PRAG1: variants seen among roughly 807,000 people sequenced by gnomAD.
PRAG1 encodes inactive tyrosine-protein kinase PRAG1.
Under a neutral mutation model 95.6 loss-of-function variants are expected in PRAG1, and 110 were observed. The observed-to-expected ratio is 1.15, with a 90% CI of 0.99 to 1.35. PRAG1 has a LOEUF of 1.35. PRAG1 is among the 40% of genes most tolerant of loss of function. PRAG1 has a pLI of 0.00. For missense variants in PRAG1, 2,554 were observed against 1,864.7 expected, an observed-to-expected ratio of 1.37 and a Z score of -6.81; for synonymous variants, 1,052 against 819.4, an observed-to-expected ratio of 1.28 and a Z score of -4.85.
chr8:8,382,047 T>C (rs975148406), intron 1 of PRAG1, among the ~76,000 whole-genome samples: 1 of 152,114 alleles, frequency 6.6e-6, no homozygotes, highest in Non-Finnish European at 1.5e-5. Context: ...AAACTAAACA[T>C]AGCCTTGTTG....
rs201007404 is a variant in PRAG1, at chr8:8,381,755, C to T, written c.-8G>A. The T allele has an allele frequency of 7.9e-5, 124 of 1,565,482 alleles. No homozygotes were observed. The highest frequency in any genetic ancestry group is 7.4e-4 in the African/African-American group (55 of 73,896). The stretch of plus-strand genomic sequence containing the variant: ...GCAGAGGGTCTGGTGCATCTTGAGC[C>T]GACAGGGTGCTGGTTCATCTTGCGC... On this transcript the variant is annotated 5_prime_UTR_variant, in exon 2 of 6. Transcript: ENST00000615670.
At chr8:8,341,936 C>T (rs986702889) in intron 3 of PRAG1, among the ~76,000 whole-genome samples, 8 of 151,996 alleles carry the variant, frequency 5.3e-5, no homozygotes, top group Admixed American at 1.3e-4. Flanking sequence ...AGTTCGAGAC[C>T]GGCCTGGCCA....
Position 8,327,959 on chromosome 8 carries a change from G to A in PRAG1, c.2823C>T (p.Leu941=). The A allele has an allele frequency of 6.2e-7, 1 of 1,609,590 alleles. No homozygotes were observed. ...CCTCCTTGCTGCTGATGTTGCTCAGGAGACCGTGCAGCTGAAGCTGGGTGC... is the reference window on the plus strand; with the variant it reads ...CCTCCTTGCTGCTGATGTTGCTCAGAAGACCGTGCAGCTGAAGCTGGGTGC... ...TGSTQLQLHG[L]LSNISSKEGT... The change falls in exon 5 of 6, where the codon CTC becomes CTT. Residue 941 remains leucine, a synonymous_variant. Coordinates refer to ENST00000615670, the MANE Select transcript of PRAG1 (RefSeq NM_001080826.3).
At chr8:8,319,437 T>C (rs552545709) in intron 5 of PRAG1, 135 bp from the exon 6 acceptor site, 3 of 573,788 alleles carry the variant, frequency 5.2e-6, no homozygotes, top group Admixed American at 4.1e-5. Flanking sequence ...TCCATACACA[T>C]GCTAGAAGAA....
chr8:8,324,124 T>C (rs1798557386), intron 5 of PRAG1, among the ~76,000 whole-genome samples: 1 of 152,162 alleles, frequency 6.6e-6, no homozygotes, highest in South Asian at 2.1e-4. Flanking sequence ...TGGTGACTGC[T>C]CTTGCCATCT....
At chr8:8,358,958 A>C (rs1392342762) in intron 3 of PRAG1, among the ~76,000 whole-genome samples, 1 of 152,236 alleles carries the variant, frequency 6.6e-6, no homozygotes, top group Non-Finnish European at 1.5e-5. Context: ...ATAAGCTGTG[A>C]CCTGGGACAT....
intron 4 of PRAG1, among the ~76,000 whole-genome samples, chr8:8,331,848 G>C (rs2979218): frequency 0.22 from 33,120 of 151,992 alleles, 4,106 homozygotes; most frequent in African/African-American, 0.34. Flanking sequence ...GATCTACACC[G>C]TATCACTACT....
At chr8:8,361,872 C>CT (rs1799857105) in intron 3 of PRAG1, among the ~76,000 whole-genome samples, 1 of 152,214 alleles carries the variant, frequency 6.6e-6, no homozygotes, top group Non-Finnish European at 1.5e-5. Flanking sequence ...TCTTACCAAT[C>CT]TTTAACATAA....
At chr8:8,331,037 G>C (rs181579059) in intron 4 of PRAG1, among the ~76,000 whole-genome samples, 1 of 152,288 alleles carries the variant, frequency 6.6e-6, no homozygotes, top group East Asian at 1.9e-4. Context: ...CGAGGCGTCT[G>C]ATTCTCAATT....
At chr8:8,370,081 T>C (rs1000963839) in intron 3 of PRAG1, among the ~76,000 whole-genome samples, 2 of 152,268 alleles carry the variant, frequency 1.3e-5, no homozygotes, top group African/African-American at 4.8e-5. Context: ...TTGCTAGCCT[T>C]AGTCAAGAAT....
chr8:8,373,603 C>G (rs1800285736), intron 3 of PRAG1, among the ~76,000 whole-genome samples: 1 of 152,090 alleles, frequency 6.6e-6, no homozygotes, highest in Non-Finnish European at 1.5e-5. Context: ...GCATGTGCCA[C>G]CATCCCTGGC....
chr8:8,370,696 C>A (rs765282050), intron 3 of PRAG1, among the ~76,000 whole-genome samples: 1 of 152,190 alleles, frequency 6.6e-6, no homozygotes, highest in Non-Finnish European at 1.5e-5. Context: ...CCCATCCTCC[C>A]GGTTCATGCC....
intron 1 of PRAG1, among the ~76,000 whole-genome samples, chr8:8,385,750 T>C (rs929848167): frequency 6.6e-6 from 1 of 152,100 alleles, no homozygotes; most frequent in South Asian, 2.1e-4. Context: ...TAAGTGTGTG[T>C]GTCCCCGGAT....
rs1475606065 is a variant in PRAG1, at chr8:8,351,329, T to C, written c.2163-11694A>G. Among the ~76,000 whole-genome samples, 5 of 152,158 alleles carry C rather than the reference T, an allele frequency of 3.3e-5. No homozygotes were observed. In the South Asian group the frequency reaches 6.2e-4, roughly 19 times the overall value. On this transcript the variant is annotated intron_variant, in intron 3 of 5. Coordinates refer to ENST00000615670, the MANE Select transcript of PRAG1 (RefSeq NM_001080826.3). ...CACCAAAGGGGGAAATTCGCTCCCA[T>C]GGTCGAATCACCTCCCACCAGACCC...
intron 4 of PRAG1, among the ~76,000 whole-genome samples, chr8:8,335,453 AG>A (rs1295587349): frequency 6.6e-6 from 1 of 152,230 alleles, no homozygotes; most frequent in African/African-American, 2.4e-5. Flanking sequence ...GGGATGATAC[AG>A]AAAAAAATCT....
intron 3 of PRAG1, among the ~76,000 whole-genome samples, chr8:8,343,252 T>C (rs906823032): frequency 4.6e-5 from 7 of 152,122 alleles, no homozygotes; most frequent in Admixed American, 2.6e-4. Flanking sequence ...TATAGGGAAA[T>C]AGGAACTCTC....
At chr8:8,323,577 G>T (rs1206304787) in intron 5 of PRAG1, among the ~76,000 whole-genome samples, 2 of 152,082 alleles carry the variant, frequency 1.3e-5, no homozygotes, top group African/African-American at 4.8e-5. Flanking sequence ...ACCTGCCTTG[G>T]CCTCCCAAAG....
intron 5 of PRAG1, among the ~76,000 whole-genome samples, chr8:8,320,758 T>C (rs554898278): frequency 6.6e-6 from 1 of 152,350 alleles, no homozygotes; most frequent in East Asian, 1.9e-4. Context: ...TGAAGCAGTG[T>C]TTTTGAAGTA....
intron 5 of PRAG1, among the ~76,000 whole-genome samples, chr8:8,321,222 C>T (rs1020736210): frequency 2.6e-5 from 4 of 151,976 alleles, no homozygotes; most frequent in African/African-American, 9.7e-5. Context: ...GTAGCTGGGA[C>T]TAGAGGTGTG....
Sources: allele counts gnomAD v4.1 joint callset (sites outside exome capture counted in the v4.1 genomes callset), GRCh38; gene constraint gnomAD v4.1.1; transcripts MANE v1.5; gene names NCBI Gene and HGNC (gene_info 2026-07-23, HGNC 2026-07-21).